CHN2: variants seen among roughly 807,000 people sequenced by gnomAD.
The protein encoded by CHN2 is beta-chimaerin.
A neutral mutation model predicts 56.3 loss-of-function variants in CHN2; 35 were observed. The ratio of observed to expected loss-of-function variants is 0.62; its 90% CI spans 0.47 to 0.82. The LOEUF is 0.82. Among genes scored for constraint, CHN2 ranks in the 40% least tolerant of loss-of-function variants. CHN2 has a pLI of 0.00. For missense variants in CHN2, 491 were observed against 580.5 expected (o/e 0.85, Z 1.58); for synonymous variants, 210 against 212.8 (o/e 0.99, Z 0.12).
intron 1 of CHN2, among the ~76,000 whole-genome samples, chr7:29,195,999 G>A (rs1467624848): frequency 6.6e-6 from 1 of 152,140 alleles, no homozygotes; most frequent in Non-Finnish European, 1.5e-5. Flanking sequence ...CAGTATTTAA[G>A]GGTCAAGAAG....
intron 1 of CHN2, among the ~76,000 whole-genome samples, chr7:29,303,397 G>T (rs555457832): frequency 6.6e-6 from 1 of 152,128 alleles, no homozygotes; most frequent in Non-Finnish European, 1.5e-5. Context: ...AGTCATTGGC[G>T]CAGGCACACC....
chr7:29,364,170 T>G (rs770597672), intron 2 of CHN2, among the ~76,000 whole-genome samples: 3 of 152,222 alleles, frequency 2.0e-5, no homozygotes, highest in Non-Finnish European at 2.9e-5. Context: ...TTAAGAAGAT[T>G]CAATACATGT....
chr7:29,398,928 C>A (rs539289438), intron 5 of CHN2, among the ~76,000 whole-genome samples: 1 of 152,204 alleles, frequency 6.6e-6, no homozygotes, highest in South Asian at 2.1e-4. Context: ...AAGTAAAATT[C>A]AGTGGCATTA....
At chr7:29,263,864 C>A (rs1185730253) in intron 1 of CHN2, among the ~76,000 whole-genome samples, 5 of 151,314 alleles carry the variant, frequency 3.3e-5, no homozygotes, top group Admixed American at 6.6e-5. Flanking sequence ...GCCCCTCCGC[C>A]CGGCAGCCGC....
intron 1 of CHN2, among the ~76,000 whole-genome samples, chr7:29,280,748 C>T (rs566902492): frequency 1.3e-5 from 2 of 152,296 alleles, no homozygotes; most frequent in Admixed American, 1.3e-4. Flanking sequence ...GCCTACCTTC[C>T]TCAGCTTTGA....
intron 1 of CHN2, among the ~76,000 whole-genome samples, chr7:29,283,516 A>G (rs1254981826): frequency 2.6e-5 from 4 of 152,228 alleles, no homozygotes; most frequent in African/African-American, 9.6e-5. Flanking sequence ...TTTGCAGATA[A>G]TAAGTAAGGT....
intron 6 of CHN2, among the ~76,000 whole-genome samples, chr7:29,407,559 T>C (rs781265806): frequency 1.1e-4 from 17 of 152,262 alleles, no homozygotes; most frequent in Non-Finnish European, 1.9e-4. Context: ...GGAAATAACA[T>C]GTAACTGACA....
chr7:29,278,995 G>GT (rs3841179), intron 1 of CHN2, among the ~76,000 whole-genome samples: 45,827 of 150,584 alleles, frequency 0.3, 7,631 homozygotes, highest in Admixed American at 0.38. Flanking sequence ...AGGTCCAGCT[G>GT]TCCCCCCCCA....
At chr7:29,215,181 G>A (rs1004969416) in intron 1 of CHN2, among the ~76,000 whole-genome samples, 5 of 152,160 alleles carry the variant, frequency 3.3e-5, no homozygotes, top group Non-Finnish European at 5.9e-5. Flanking sequence ...AAATATTTTA[G>A]TTCAAACTCT....
intron 6 of CHN2, among the ~76,000 whole-genome samples, chr7:29,436,355 G>A (rs754478143): frequency 8.5e-5 from 13 of 152,096 alleles, no homozygotes; most frequent in Non-Finnish European, 1.9e-4. Context: ...ATATACCTAT[G>A]CTTATAGTTG....
chr7:29,159,788 C>A (rs965814963), intron 2 of CHN2, among the ~76,000 whole-genome samples: 1 of 152,194 alleles, frequency 6.6e-6, no homozygotes, highest in African/African-American at 2.4e-5. Flanking sequence ...CTATGTAATT[C>A]ACTCATTCTT....
At chr7:29,376,007 G>C (rs975891083) in intron 3 of CHN2, among the ~76,000 whole-genome samples, 3 of 152,188 alleles carry the variant, frequency 2.0e-5, no homozygotes, top group Non-Finnish European at 4.4e-5. Context: ...GATAAAGGCA[G>C]GTTATACTTT....
intron 2 of CHN2, 90 bp downstream of exon 2, chr7:29,354,753 G>A (rs911904509): frequency 1.0e-5 from 12 of 1,159,098 alleles, no homozygotes; most frequent in South Asian, 1.3e-5. Context: ...GCACACAAGC[G>A]TTCCCACCTC....
chr7:29,197,952 A>C (rs1783876198), intron 1 of CHN2: 1 of 456,196 alleles, frequency 2.2e-6, no homozygotes, highest in Admixed American at 2.3e-5. Flanking sequence ...TTTCAGGAAG[A>C]GAGAAGAGCT....
At chr7:29,308,471 G>A in intron 1 of CHN2, among the ~76,000 whole-genome samples, 1 of 152,292 alleles carries the variant, frequency 6.6e-6, no homozygotes, top group Admixed American at 6.5e-5. Context: ...GGGTGTGTGT[G>A]TGTGTGTGTG....
intron 6 of CHN2, among the ~76,000 whole-genome samples, chr7:29,415,495 TAAAAAC>T (rs1010511554): frequency 2.0e-5 from 3 of 152,108 alleles, no homozygotes; most frequent in African/African-American, 4.8e-5. Context: ...AATGGAGTCC[TAAAAAC>T]AAAAACAAAA....
chr7:29,338,470 G>T (rs1014124060), intron 1 of CHN2, among the ~76,000 whole-genome samples: 1 of 152,192 alleles, frequency 6.6e-6, no homozygotes, highest in Non-Finnish European at 1.5e-5. Context: ...TTCACTATAT[G>T]ATTAATATAT....
In CHN2 at chr7:29,341,988, A is replaced by G. The variant is rs549272003; in HGVS notation, c.50-12637A>G. Among the ~76,000 whole-genome samples the G allele has an allele frequency of 2.6e-5, 4 of 152,212 alleles. No homozygotes were observed. In the East Asian group the frequency reaches 7.7e-4, roughly 29 times the overall value. On this transcript the variant is annotated intron_variant, in intron 1 of 12. Transcript: ENST00000222792. ...ACATACCTTCAGGGACCTCTGTTCC[A>G]TGCTTCCTGGGCACCCTGAACTTTG...
chr7:29,437,414 C>T lies in CHN2; in HGVS notation c.576+36586C>T, dbSNP rs532274785. ...GAGATCGAGACCATCCTGGCTAACA[C>T]GGTGAAACCCCGTCTCTACTAAAAA... is the stretch of plus-strand genomic sequence containing the variant. On this transcript the variant is annotated intron_variant, in intron 6 of 12. Coordinates refer to ENST00000222792, the MANE Select transcript of CHN2 (RefSeq NM_004067.4). Among the ~76,000 whole-genome samples, 11 of 94,526 alleles carry T rather than the reference C, an allele frequency of 1.2e-4. 1 individual carries two copies. The highest frequency in any genetic ancestry group is 1.8e-4 in the African/African-American group (3 of 17,128). The allele number at this position is 94,526 out of a possible 152,430, so 62.0% of individuals were successfully genotyped here. A position where few individuals can be genotyped will look rare whatever the true frequency, so the allele number is the denominator to read the frequency against.
Sources: gnomAD v4.1 joint callset for allele counts (sites outside exome capture counted in the v4.1 genomes callset) on GRCh38, gnomAD v4.1.1 for gene constraint, MANE v1.5 for transcripts, NCBI Gene and HGNC (gene_info 2026-07-23, HGNC 2026-07-21) for gene names.